The following ZNF385D variants were observed in gnomAD, a reference collection of about 807,000 sequenced individuals.
The protein encoded by ZNF385D is zinc finger protein 385D.
ZNF385D carries 15 observed loss-of-function variants against 35.8 expected under a neutral mutation model. That is an observed-to-expected ratio of 0.42 (90% CI 0.28 to 0.64). ZNF385D has a LOEUF of 0.64. Ranked by LOEUF, ZNF385D falls within the 30% of genes least tolerant of loss-of-function variation. ZNF385D has a pLI of 0.23. For missense variants in ZNF385D, 474 were observed against 494.6 expected (o/e 0.96, Z 0.39); for synonymous variants, 212 against 186.8 (o/e 1.13, Z -1.10).
chr3:21,511,803 T>G, intron 3 of ZNF385D: 1 of 452,848 alleles, frequency 2.2e-6, no homozygotes, highest in Non-Finnish European at 4.4e-6. Flanking sequence ...CATTTTCTCA[T>G]GTTTTATTTT....
intron 3 of ZNF385D, among the ~76,000 whole-genome samples, chr3:21,547,805 C>T (rs545187743): frequency 2.0e-5 from 3 of 152,042 alleles, no homozygotes; most frequent in Non-Finnish European, 2.9e-5. Flanking sequence ...TTAGTAGAAA[C>T]GGGGCTTCTC....
At chr3:21,957,479 C>G (rs1269983184) in intron 3 of ZNF385D, among the ~76,000 whole-genome samples, 3 of 152,082 alleles carry the variant, frequency 2.0e-5, no homozygotes, top group African/African-American at 7.2e-5. Flanking sequence ...CAATAAGGTC[C>G]AGGCTGAGGT....
chr3:21,655,054 G>T (rs1011389687), intron 2 of ZNF385D, among the ~76,000 whole-genome samples: 1 of 151,890 alleles, frequency 6.6e-6, no homozygotes, highest in Non-Finnish European at 1.5e-5. Flanking sequence ...CCATGAGGTA[G>T]AACACAGTGA....
At position 21,576,265 on chromosome 3, in the gene ZNF385D, A is replaced by C. The variant is rs145632092; in HGVS notation, c.166-11581T>G. On this transcript the variant is annotated intron_variant, in intron 2 of 7. Transcript: ENST00000281523. The stretch of plus-strand genomic sequence containing the variant: ...AAGGAGGAGCTGATTTTGTTCAGAA[A>C]ATCAGTGCTTGAACTTAAATAAGCA... Among the ~76,000 whole-genome samples the C allele has an allele frequency of 4.5e-4, 68 of 152,316 alleles. 1 individual carries two copies. The highest frequency in any genetic ancestry group is 1.6e-3 in the African/African-American group (65 of 41,582).
chr3:22,005,466 A>G (rs1196885214), intron 3 of ZNF385D, among the ~76,000 whole-genome samples: 4 of 152,096 alleles, frequency 2.6e-5, no homozygotes, highest in Admixed American at 6.6e-5. Flanking sequence ...AATATATTAT[A>G]TATTTTTAAA....
intron 2 of ZNF385D, among the ~76,000 whole-genome samples, chr3:22,323,531 C>G (rs369166960): frequency 1.2e-4 from 19 of 152,056 alleles, no homozygotes. Context: ...AATACAAAAC[C>G]GTGAGAAGAA....
intron 3 of ZNF385D, among the ~76,000 whole-genome samples, chr3:22,036,711 T>C (rs1424633527): frequency 1.8e-5 from 2 of 112,240 alleles, no homozygotes; most frequent in Admixed American, 9.0e-5. Flanking sequence ...CCTACTAGGT[T>C]TTTTTTTTTT....
In ZNF385D at chr3:21,619,413, CGTGTGT is replaced by C. The variant is rs10594035; in HGVS notation, c.165+45467_165+45472del. Among the ~76,000 whole-genome samples, 647 of 147,834 alleles carry C rather than the reference CGTGTGT, an allele frequency of 4.4e-3. 6 individuals carry two copies. The highest frequency in any genetic ancestry group is 0.017 in the Middle Eastern group (5 of 286). ...TTTCTTAGTTGTCATCGTGTGTGTG[CGTGTGT>C]GTGTGTGTGTGTGTGTGTGTCTATG... On this transcript the variant is annotated intron_variant, in intron 2 of 7. Transcript: ENST00000281523.
intron 3 of ZNF385D, among the ~76,000 whole-genome samples, chr3:21,906,869 A>C (rs994027676): frequency 1.3e-5 from 2 of 152,158 alleles, no homozygotes; most frequent in African/African-American, 4.8e-5. Context: ...TTCAGTCTTT[A>C]GCTTCTGTAC....
At chr3:22,072,470 C>T (rs1187302063) in intron 3 of ZNF385D, among the ~76,000 whole-genome samples, 2 of 152,072 alleles carry the variant, frequency 1.3e-5, no homozygotes, top group African/African-American at 2.4e-5. Flanking sequence ...AACTAGAACT[C>T]GTCAGCTGCT....
At chr3:21,588,054 G>A (rs1296493503) in intron 2 of ZNF385D, among the ~76,000 whole-genome samples, 1 of 152,136 alleles carries the variant, frequency 6.6e-6, no homozygotes, top group Non-Finnish European at 1.5e-5. Flanking sequence ...CTAAGCCTGA[G>A]GATAAAAAGA....
chr3:21,609,612 C>T (rs1434742909), intron 2 of ZNF385D, among the ~76,000 whole-genome samples: 2 of 152,158 alleles, frequency 1.3e-5, no homozygotes, highest in African/African-American at 2.4e-5. Flanking sequence ...GGGGTAGGCT[C>T]GTGAATTATG....
At chr3:22,369,218 C>T (rs1418580632) in intron 2 of ZNF385D, among the ~76,000 whole-genome samples, 1 of 152,096 alleles carries the variant, frequency 6.6e-6, no homozygotes, top group Non-Finnish European at 1.5e-5. Flanking sequence ...CTTAAATTAC[C>T]TTTCAGAGAT....
chr3:21,423,466 T>A (rs1700837549), intron 7 of ZNF385D, among the ~76,000 whole-genome samples: 2 of 152,154 alleles, frequency 1.3e-5, no homozygotes, highest in Non-Finnish European at 2.9e-5. Context: ...TCAATATTCA[T>A]CTACAATGTC....
chr3:21,879,613 C>T (rs1698170111), intron 3 of ZNF385D, among the ~76,000 whole-genome samples: 6 of 151,992 alleles, frequency 3.9e-5, no homozygotes. Context: ...GCTTTTCTCA[C>T]CGCTGTTGTA....
intron 2 of ZNF385D, among the ~76,000 whole-genome samples, chr3:22,361,842 G>T (rs974846733): frequency 1.1e-4 from 16 of 151,930 alleles, no homozygotes; most frequent in African/African-American, 3.9e-4. Context: ...AGAAAGTAAG[G>T]CCTACCCACC....
intron 2 of ZNF385D, among the ~76,000 whole-genome samples, chr3:22,302,789 C>G (rs999488240): frequency 3.3e-5 from 5 of 151,954 alleles, no homozygotes; most frequent in Non-Finnish European, 7.4e-5. Flanking sequence ...TGAAAGGCCT[C>G]ACATGTCTTT....
At chr3:22,050,208 A>T (rs1181834748) in intron 3 of ZNF385D, among the ~76,000 whole-genome samples, 1 of 151,974 alleles carries the variant, frequency 6.6e-6, no homozygotes, top group Non-Finnish European at 1.5e-5. Context: ...TAAAAAAAAA[A>T]AAAAGCAGCT....
chr3:21,636,084 T>A (rs993140245), intron 2 of ZNF385D, among the ~76,000 whole-genome samples: 1 of 151,902 alleles, frequency 6.6e-6, no homozygotes, highest in Non-Finnish European at 1.5e-5. Flanking sequence ...CAGTCATGGA[T>A]TGCTGAATCA....
Sources: allele counts gnomAD v4.1 joint callset (sites outside exome capture counted in the v4.1 genomes callset), GRCh38; gene constraint gnomAD v4.1.1; transcripts MANE v1.5; gene names NCBI Gene and HGNC (gene_info 2026-07-23, HGNC 2026-07-21).